CYFIP1: variants seen among roughly 807,000 people sequenced by gnomAD.
The protein encoded by CYFIP1 is cytoplasmic FMR1 interacting protein 1, also known as cytoplasmic FMR1-interacting protein 1.
A neutral mutation model predicts 163.5 loss-of-function variants in CYFIP1; 58 were observed. The observed-to-expected ratio is 0.35, with a 90% CI of 0.29 to 0.44. The LOEUF (loss-of-function observed/expected upper bound fraction) is 0.44, where lower values mean the gene tolerates loss of function less well. CYFIP1 is among the 20% of genes least tolerant of loss of function. The pLI is 1.00. For missense variants in CYFIP1, 1,338 were observed against 1,653.8 expected (o/e 0.81, Z 3.31); for synonymous variants, 663 against 660.7 (o/e 1.00, Z -0.05).
chr15:22,945,329 C>T lies in CYFIP1; in HGVS notation c.208-390G>A, dbSNP rs147445031. ...ACACAGGATCCCCATGGCCTCCTCA[C>T]TGGCTCACAGGGCCTCCCGGTCCCA... On this transcript the variant is annotated intron_variant, in intron 3 of 30. Coordinates refer to ENST00000617928, the MANE Select transcript of CYFIP1 (RefSeq NM_014608.6). Among the ~76,000 whole-genome samples, 9 of 152,336 alleles carry T rather than the reference C, an allele frequency of 5.9e-5. No individual in the cohort carries two copies. The East Asian group carries it at 1.4e-3, about 23-fold the overall frequency.
intron 19 of CYFIP1, 52 bp from the exon 20 acceptor site, chr15:22,910,680 G>T: frequency 6.2e-7 from 1 of 1,602,192 alleles, no homozygotes; most frequent in Non-Finnish European, 8.6e-7. Flanking sequence ...ATTGTAATGG[G>T]AATGTCAGAT....
chr15:22,889,003 C>T (rs2059996341), intron 23 of CYFIP1, among the ~76,000 whole-genome samples: 1 of 151,318 alleles, frequency 6.6e-6, no homozygotes, highest in Non-Finnish European at 1.5e-5. Context: ...CAAGATCACA[C>T]CACTGTACTC....
At chr15:22,930,071 C>CTCAGAGG (rs1242466607) in intron 11 of CYFIP1, among the ~76,000 whole-genome samples, 14 of 148,606 alleles carry the variant, frequency 9.4e-5, no homozygotes, top group Non-Finnish European at 2.1e-4. Context: ...TAAAATTGTA[C>CTCAGAGG]TCAGAGGCCG....
chr15:22,937,936 C>A (rs1485913172), intron 8 of CYFIP1, among the ~76,000 whole-genome samples: 7 of 152,196 alleles, frequency 4.6e-5, no homozygotes, highest in African/African-American at 1.7e-4. Context: ...GGACTAGCCA[C>A]CTGCATGCTC....
intron 6 of CYFIP1, among the ~76,000 whole-genome samples, chr15:22,940,473 T>C (rs113126548): frequency 2.2e-4 from 33 of 152,284 alleles, no homozygotes; most frequent in African/African-American, 7.5e-4. Context: ...TTCCCCACTT[T>C]CTGCCTGCTG....
At chr15:22,943,530 C>A (rs2061960581) in intron 5 of CYFIP1, among the ~76,000 whole-genome samples, 176 bp from the exon 6 acceptor site, 1 of 152,234 alleles carries the variant, frequency 6.6e-6, no homozygotes, top group South Asian at 2.1e-4. Context: ...AAGCAGCTCC[C>A]ACTGCCTGCT....
At chr15:22,939,004 G>A (rs2061806910) in intron 8 of CYFIP1, among the ~76,000 whole-genome samples, 188 bp downstream of exon 8, 1 of 151,202 alleles carries the variant, frequency 6.6e-6, no homozygotes, top group African/African-American at 2.4e-5. Context: ...GGGTCAGTGT[G>A]TGACACACTC....
rs1260336320 is a variant in CYFIP1, at chr15:22,869,034, A to ATTGT, written c.*990_*993dup. Reference sequence around the variant, plus strand: ...GTGACTCTACTGGTAGTCTAGACCGATTGTTTTTCATTCTGACAGATCATG... The same window carrying ATTGT: ...GTGACTCTACTGGTAGTCTAGACCGATTGTTTGTTTTTCATTCTGACAGATCATG... On this transcript the variant is annotated 3_prime_UTR_variant, in exon 31 of 31. Transcript: ENST00000617928. The ATTGT allele has an allele frequency of 1.3e-5, 2 of 152,152 alleles. No individual in the cohort carries two copies. Among genetic ancestry groups the ATTGT allele is most frequent in the African/African-American group, 4.8e-5 (2 of 41,430 alleles). The allele number at this position is 152,152 out of a possible 1,614,324, so 9.4% of individuals were successfully genotyped here. A position where few individuals can be genotyped will look rare whatever the true frequency, so the allele number is the denominator to read the frequency against.
chr15:22,881,061 T>C (rs1027162396), intron 25 of CYFIP1, among the ~76,000 whole-genome samples: 1 of 152,176 alleles, frequency 6.6e-6, no homozygotes, highest in Non-Finnish European at 1.5e-5. Context: ...TACTTCCCCA[T>C]GGTGGCTGAG....
chr15:22,909,823 T>C (rs921487925), intron 20 of CYFIP1, among the ~76,000 whole-genome samples: 1 of 152,194 alleles, frequency 6.6e-6, no homozygotes, highest in South Asian at 2.1e-4. Flanking sequence ...TGAATCTTTT[T>C]TTAAAAGCTG....
chr15:22,951,559 G>A (rs755758900), intron 1 of CYFIP1: 23 of 1,286,312 alleles, frequency 1.8e-5, no homozygotes, highest in Admixed American at 6.9e-5. Flanking sequence ...CCAGAGTCCC[G>A]CAGTCTGCCC....
At position 22,917,194 on chromosome 15, in the gene CYFIP1, G is replaced by A; in HGVS notation, c.1675-564C>T. 7.0e-7 allele frequency: 1 copy of A among 1,422,944 alleles called. No individual in the cohort carries two copies. 88.1% of individuals were successfully genotyped at this position (1,422,944 alleles called of 1,614,324 possible). ...CCCTGACCCTCCTGCAGAGCCAGCA[G>A]CGTGCATTGCTGGTGACTTTCCAGA... On this transcript the variant is annotated intron_variant, in intron 15 of 30. Transcript: ENST00000617928. The surrounding 1 kb of genome is among the most constrained non-coding windows in gnomAD (Gnocchi z 4.2).
intron 25 of CYFIP1, among the ~76,000 whole-genome samples, chr15:22,880,431 G>C (rs894331410): frequency 6.6e-6 from 1 of 152,234 alleles, no homozygotes; most frequent in Non-Finnish European, 1.5e-5. Context: ...CACCTAATCT[G>C]AGAAAGGGCA....
intron 5 of CYFIP1, 93 bp from the exon 6 acceptor site, chr15:22,943,447 G>C (rs771023004): frequency 7.5e-6 from 10 of 1,339,122 alleles, no homozygotes; most frequent in Admixed American, 2.1e-5. Flanking sequence ...ACTGCTCCTC[G>C]ATGAGAAACG....
chr15:22,877,753 C>T (rs1257963188), intron 26 of CYFIP1, among the ~76,000 whole-genome samples: 1 of 152,126 alleles, frequency 6.6e-6, no homozygotes, highest in African/African-American at 2.4e-5. Flanking sequence ...GTGGCCAGGA[C>T]AATGAAGGCC....
chr15:22,928,869 G>C lies in CYFIP1; in HGVS notation c.1111-841C>G, dbSNP rs2061443239. ...GGCGGGAACCTGCATGGAGCTCACA[G>C]CATGACCACTGAGAGGACCCTGAGC... is the stretch of plus-strand genomic sequence containing the variant. On this transcript the variant is annotated intron_variant, in intron 11 of 30. Transcript: ENST00000617928. 2.0e-5 allele frequency among the ~76,000 whole-genome samples: 3 copies of C among 152,046 alleles called. No individual in the cohort carries two copies. The South Asian group carries it at 6.2e-4, about 32-fold the overall frequency.
intron 13 of CYFIP1, among the ~76,000 whole-genome samples, chr15:22,925,342 C>T (rs548774191): frequency 7.9e-5 from 12 of 152,204 alleles, no homozygotes; most frequent in South Asian, 4.2e-4. Context: ...GCTGGGATAC[C>T]GACAGCAACT....
At chr15:22,887,413 C>T (rs2059954635) in intron 23 of CYFIP1, among the ~76,000 whole-genome samples, 1 of 152,222 alleles carries the variant, frequency 6.6e-6, no homozygotes, top group Non-Finnish European at 1.5e-5. Context: ...GAGCAGCACC[C>T]TGGGCTTTAT....
intron 1 of CYFIP1, among the ~76,000 whole-genome samples, chr15:22,970,588 A>T (rs559329113): frequency 1.3e-5 from 2 of 152,346 alleles, no homozygotes; most frequent in South Asian, 4.1e-4. Flanking sequence ...TGGCATAAAG[A>T]AAGGCATACT....
Sources: allele counts gnomAD v4.1 joint callset (sites outside exome capture counted in the v4.1 genomes callset), GRCh38; gene constraint gnomAD v4.1.1; non-coding constraint Gnocchi (gnomAD v3.1); transcripts MANE v1.5; gene names NCBI Gene and HGNC (gene_info 2026-07-23, HGNC 2026-07-21).